Variants in FAM199X observed in about 807,000 individuals in gnomAD.
The protein encoded by FAM199X is family with sequence similarity 199, X-linked.
FAM199X carries 4 observed loss-of-function variants against 22.9 expected under a neutral mutation model. The observed-to-expected ratio is 0.17, with a 90% CI of 0.09 to 0.40. The LOEUF (loss-of-function observed/expected upper bound fraction) is 0.40. Among genes scored for constraint, FAM199X ranks in the 10% least tolerant of loss-of-function variants. FAM199X has a pLI of 1.00. For synonymous variants in FAM199X, 101 were observed against 112.3 expected (o/e 0.90, Z 0.64); for missense variants, 183 against 306.8 (o/e 0.60, Z 3.01).
At chrX:104,180,431 A>C (rs1452988947) in intron 2 of FAM199X, among the ~76,000 whole-genome samples, 1 of 109,746 alleles carries the variant, frequency 9.1e-6, no homozygotes, top group African/African-American at 3.3e-5. Flanking sequence ...ATTTATTTAG[A>C]GTTATCATCC....
intron 1 of FAM199X, among the ~76,000 whole-genome samples, chrX:104,171,059 C>A (rs781846965): frequency 1.8e-5 from 2 of 111,241 alleles, no homozygotes; most frequent in East Asian, 5.6e-4. Flanking sequence ...CTTCATTCAA[C>A]AGTGCTCATT....
chrX:104,162,064 G>A (rs1456059698), upstream of FAM199X, among the ~76,000 whole-genome samples: 1 of 111,465 alleles, frequency 9.0e-6, no homozygotes, highest in African/African-American at 3.3e-5. Context: ...ACAAAAGAGG[G>A]TTTAGGTTTA....
rs1602524149 is a variant in FAM199X at position 104,191,829 on chromosome X, C to T, written c.*2051C>T. 8.9e-6 allele frequency: 1 copy of T among 111,837 alleles called. No homozygotes were observed. Among genetic ancestry groups the T allele is most frequent in the East Asian group, 2.8e-4 (1 of 3,576 alleles). The allele number at this position is 111,837 out of a possible 1,213,427, so 9.2% of individuals were successfully genotyped here. The stretch of plus-strand genomic sequence containing the variant: ...ATAATTTAAGACCAATTCCCCTACT[C>T]TCCCAATAATCACATAGTCTTATTA... On this transcript the variant is annotated 3_prime_UTR_variant, in exon 6 of 6. Coordinates refer to ENST00000493442, the MANE Select transcript of FAM199X (RefSeq NM_207318.4).
chrX:104,170,676 A>G (rs781854837), intron 1 of FAM199X, among the ~76,000 whole-genome samples: 18 of 111,800 alleles, frequency 1.6e-4, no homozygotes, highest in South Asian at 3.7e-4. Flanking sequence ...TTGAAAATAT[A>G]AAAGAAGGTG....
intron 1 of FAM199X, among the ~76,000 whole-genome samples, chrX:104,169,528 A>G (rs1281776324): frequency 8.9e-6 from 1 of 111,875 alleles, no homozygotes. Flanking sequence ...AGACAGTCAC[A>G]GCACTAACAG....
At chrX:104,172,025 T>A (rs1211088195) in intron 1 of FAM199X, among the ~76,000 whole-genome samples, 6 of 111,512 alleles carry the variant, frequency 5.4e-5, no homozygotes, top group Non-Finnish European at 1.1e-4. Flanking sequence ...AGACTGTCAC[T>A]GGCAATGGAT....
At position 104,186,151 on chromosome X, in the gene FAM199X, A is replaced by G. The variant is rs868950232; in HGVS notation, c.503A>G (p.Lys168Arg). 1 of 1,211,282 alleles carries G rather than the reference A, an allele frequency of 8.3e-7. No homozygotes were observed. Residue 168 changes from lysine to arginine, a missense_variant, in exon 3 of 6, where the codon AAA becomes AGA. Lys to Arg is a conservative substitution (Grantham distance 26). This residue lies in a region of FAM199X where 128 missense variants were observed against 246.2 expected (regional missense o/e 0.52). Transcript: ENST00000493442. Reference sequence around the variant, plus strand: ...CCAAGTTCACCTTGCCTGCTTCCTAAAAAGAAAAACAAGCACCGGAATTTA... The same window carrying G: ...CCAAGTTCACCTTGCCTGCTTCCTAGAAAGAAAAACAAGCACCGGAATTTA... ...SIPSSPCLLP[K>R]KKNKHRNLDE...
chrX:104,175,788 C>A lies in FAM199X; in HGVS notation c.363C>A (p.Val121=). Residue 121 remains valine, a synonymous_variant, in exon 2 of 6, where the codon GTC becomes GTA. Transcript: ENST00000493442. ...LFPEGSVCSD[V]SSSISTYWDW... is the part of the protein sequence containing the mutation. ...CTGAGGGGAGTGTCTGCAGTGATGT[C>A]TCTTCTTCTATTAGCACTTACTGGG... 8.3e-7 allele frequency: 1 copy of A among 1,211,400 alleles called. No homozygotes were observed. The highest frequency in any genetic ancestry group is 1.8e-5 in the South Asian group (1 of 56,976).
Position 104,166,629 on chromosome X carries a change from G to T in FAM199X, c.-157G>T. 1 of 459,582 alleles carries T rather than the reference G, an allele frequency of 2.2e-6. No individual in the cohort carries two copies. The highest frequency in any genetic ancestry group is 3.5e-6 in the Non-Finnish European group (1 of 288,198). The allele number at this position is 459,582 out of a possible 1,213,427, so 37.9% of individuals were successfully genotyped here. A position where few individuals can be genotyped will look rare whatever the true frequency, so the allele number is the denominator to read the frequency against. On this transcript the variant is annotated 5_prime_UTR_variant, in exon 1 of 6. Coordinates refer to ENST00000493442, the MANE Select transcript of FAM199X (RefSeq NM_207318.4). The stretch of plus-strand genomic sequence containing the variant: ...CCTCTTCGCGCGGCCCCGCACCCCG[G>T]CAAGCAGCAGCGGGCCGCGACGCCC...
rs150930332 is a variant in FAM199X at position 104,174,416 on chromosome X, A to T, written c.198-1207A>T. On this transcript the variant is annotated intron_variant, in intron 1 of 5. Transcript: ENST00000493442. ...AGCACTTTTATATACTGCCCTGGGG[A>T]GTATAAATTGATGCTGCCTTTCAGA... is the stretch of plus-strand genomic sequence containing the variant. Among the ~76,000 whole-genome samples the T allele has an allele frequency of 6.9e-3, 771 of 111,504 alleles. 8 individuals carry two copies. The highest frequency in any genetic ancestry group is 0.024 in the African/African-American group (749 of 30,700).
At chrX:104,189,052 T>G (rs980260197) in intron 5 of FAM199X, among the ~76,000 whole-genome samples, 2 of 111,932 alleles carry the variant, frequency 1.8e-5, no homozygotes, top group African/African-American at 6.5e-5. Context: ...AGATATGTGG[T>G]CATTCCTTTT....
At chrX:104,178,581 C>T (rs1602517856) in intron 2 of FAM199X, among the ~76,000 whole-genome samples, 2 of 111,326 alleles carry the variant, frequency 1.8e-5, no homozygotes, top group South Asian at 7.5e-4. Flanking sequence ...GCACCTGGCT[C>T]GCAAATTTAT....
At chrX:104,167,444 A>C (rs1270058882) in intron 1 of FAM199X, among the ~76,000 whole-genome samples, 1 of 109,532 alleles carries the variant, frequency 9.1e-6, no homozygotes, top group Admixed American at 9.7e-5. Context: ...ATTTAAAGCT[A>C]GAAGCTTCAT....
intron 4 of FAM199X, among the ~76,000 whole-genome samples, chrX:104,186,967 A>G (rs782551714): frequency 2.9e-4 from 33 of 112,070 alleles, no homozygotes; most frequent in African/African-American, 1.1e-3. Context: ...AATGAGAGCT[A>G]TTCTTTGATA....
upstream of FAM199X, among the ~76,000 whole-genome samples, chrX:104,165,892 G>A (rs1365560707): frequency 9.0e-6 from 1 of 111,168 alleles, no homozygotes; most frequent in Non-Finnish European, 1.9e-5. Flanking sequence ...GATTAGCAGG[G>A]GAGAAATGGC....
intron 2 of FAM199X, among the ~76,000 whole-genome samples, chrX:104,182,368 A>G (rs1430653391): frequency 9.0e-6 from 1 of 111,191 alleles, no homozygotes; most frequent in Non-Finnish European, 1.9e-5. Context: ...CGCCTAGATT[A>G]CAAGAGCTTC....
chrX:104,174,552 A>G (rs1921441843), intron 1 of FAM199X, among the ~76,000 whole-genome samples: 1 of 111,373 alleles, frequency 9.0e-6, no homozygotes, highest in Non-Finnish European at 1.9e-5. Context: ...ATTATAAACA[A>G]TGCTCATCTC....
At position 104,186,511 on chromosome X, in the gene FAM199X, C is replaced by T; in HGVS notation, c.619C>T (p.Arg207Trp). 1 of 1,210,078 alleles carries T rather than the reference C, an allele frequency of 8.3e-7. No homozygotes were observed. The highest frequency in any genetic ancestry group is 2.2e-5 in the Admixed American group (1 of 45,986). Residue 207 changes from arginine (R) to tryptophan (W), a missense_variant, in exon 4 of 6, where the codon CGG (arginine) becomes TGG (tryptophan). Transcript: ENST00000493442. Reference sequence around the variant, plus strand: ...GAAAGTGAGTACTGAGATGGGTCTTCGGGAGCAACTTGATATTATTAAGAT... The same window carrying T: ...GAAAGTGAGTACTGAGATGGGTCTTTGGGAGCAACTTGATATTATTAAGAT... ...SRKVSTEMGL[R>W]EQLDIIKIID...
chrX:104,180,094 C>T lies in FAM199X; in HGVS notation c.417+4252C>T, dbSNP rs1556377486. On this transcript the variant is annotated intron_variant, in intron 2 of 5. Coordinates refer to ENST00000493442, the MANE Select transcript of FAM199X (RefSeq NM_207318.4). ...CTGGGCTCAAGCAATCCTCTTGCCTCAGCCTCCTCAGTAGCTGGGACCACA... is the reference window on the plus strand; with the variant it reads ...CTGGGCTCAAGCAATCCTCTTGCCTTAGCCTCCTCAGTAGCTGGGACCACA... Among the ~76,000 whole-genome samples the T allele has an allele frequency of 2.8e-5, 3 of 106,620 alleles. No homozygotes were observed. In the Admixed American group the frequency reaches 3.0e-4, roughly 11 times the overall value. The allele number at this position is 106,620 out of a possible 115,157, so 92.6% of individuals were successfully genotyped here.
Sources: gnomAD v4.1 joint callset for allele counts (sites outside exome capture counted in the v4.1 genomes callset) on GRCh38, gnomAD v4.1.1 for gene constraint, gnomAD v4.1.1 regional missense constraint, MANE v1.5 for transcripts, NCBI Gene and HGNC (gene_info 2026-07-23, HGNC 2026-07-21) for gene names.